ANO2: variants seen among roughly 807,000 people sequenced by gnomAD.
ANO2 encodes the protein anoctamin 2, also known as anoctamin-2.
In ANO2, 101 loss-of-function variants were observed where a neutral mutation model predicts 124.2. The observed-to-expected ratio is 0.81, with a 90% CI of 0.69 to 0.96. The LOEUF is 0.96. Ranked by LOEUF, ANO2 falls within the 40% of genes least tolerant of loss-of-function variation. The pLI is 0.00. For missense variants in ANO2, 1,293 were observed against 1,274.5 expected (o/e 1.01, Z -0.22); for synonymous variants, 486 against 482.5 (o/e 1.01, Z -0.09).
rs114681195 is a variant in ANO2, at chr12:5,656,974, G to A, written c.1546-9173C>T. On this transcript the variant is annotated intron_variant, in intron 14 of 24. Coordinates refer to ENST00000682330, the MANE Select transcript of ANO2 (RefSeq NM_001364791.2). ...ATTGCAGCAGGCCGAGGTCATCTAC[G>A]GATTGGGAGGTGACTGAAGCCAAAT... Among the ~76,000 whole-genome samples, 835 of 152,278 alleles carry A rather than the reference G, an allele frequency of 5.5e-3. 7 individuals carry two copies. Among genetic ancestry groups the A allele is most frequent in the African/African-American group, 0.019 (806 of 41,538 alleles).
chr12:5,767,457 T>C (rs1262537354), intron 10 of ANO2, among the ~76,000 whole-genome samples: 1 of 152,126 alleles, frequency 6.6e-6, no homozygotes, highest in Non-Finnish European at 1.5e-5. Context: ...CAAGATACTA[T>C]AAATGGACTA....
chr12:5,820,179 C>T (rs1953741209), intron 7 of ANO2, among the ~76,000 whole-genome samples: 1 of 152,146 alleles, frequency 6.6e-6, no homozygotes, highest in Admixed American at 6.5e-5. Flanking sequence ...TGAGGAAGGA[C>T]CCCACTATAC....
At chr12:5,711,512 C>T (rs10774369) in intron 14 of ANO2, among the ~76,000 whole-genome samples, 58,948 of 152,078 alleles carry the variant, frequency 0.39, 12,375 homozygotes, top group East Asian at 0.56. Context: ...CTCAGATATT[C>T]CTGTATGGCA....
chr12:5,821,032 G>T (rs1953779017), intron 7 of ANO2, among the ~76,000 whole-genome samples: 1 of 152,178 alleles, frequency 6.6e-6, no homozygotes, highest in South Asian at 2.1e-4. Flanking sequence ...CCAGCTTTGT[G>T]TCATAATCTT....
intron 23 of ANO2, among the ~76,000 whole-genome samples, chr12:5,567,750 C>T (rs1941856203): frequency 6.6e-6 from 1 of 152,190 alleles, no homozygotes; most frequent in South Asian, 2.1e-4. Flanking sequence ...TCACTTTGTC[C>T]TCCCTCAGTG....
At chr12:5,661,675 T>C (rs1267777427) in intron 14 of ANO2, among the ~76,000 whole-genome samples, 4 of 152,152 alleles carry the variant, frequency 2.6e-5, no homozygotes, top group Non-Finnish European at 4.4e-5. Context: ...GGTCCCACTT[T>C]AGCTAATCCA....
At chr12:5,679,839 T>C (rs893803933) in intron 14 of ANO2, among the ~76,000 whole-genome samples, 3 of 152,162 alleles carry the variant, frequency 2.0e-5, no homozygotes, top group African/African-American at 7.2e-5. Flanking sequence ...CATGCACACA[T>C]ATATTCATTG....
intron 3 of ANO2, among the ~76,000 whole-genome samples, chr12:5,873,947 A>G (rs1307113291): frequency 6.6e-6 from 1 of 152,176 alleles, no homozygotes; most frequent in African/African-American, 2.4e-5. Flanking sequence ...AACCCAACCA[A>G]GAGACGCGCA....
Position 5,872,150 on chromosome 12 carries a change from G to A in ANO2, c.535-18009C>T, listed in dbSNP as rs372261583. On this transcript the variant is annotated intron_variant, in intron 3 of 24. Coordinates refer to ENST00000682330, the MANE Select transcript of ANO2 (RefSeq NM_001364791.2). The stretch of plus-strand genomic sequence containing the variant: ...TTTTCCATTGTCCTTTTTCCCTCTC[G>A]TGACCCCCAGCTTTTCCCCAGAGCT... 3.3e-5 allele frequency among the ~76,000 whole-genome samples: 5 copies of A among 152,110 alleles called. No homozygotes were observed. In the East Asian group the frequency reaches 5.8e-4, roughly 18 times the overall value.
At chr12:5,897,080 G>A (rs140657144) in intron 3 of ANO2, among the ~76,000 whole-genome samples, 14 of 152,244 alleles carry the variant, frequency 9.2e-5, no homozygotes, top group African/African-American at 1.4e-4. Context: ...ACCTAGGGAT[G>A]AGCTTTGAAA....
At chr12:5,606,235 ACCCTTTGGAAGATCCTGCACTTGG>A (rs1944214900) in intron 19 of ANO2, among the ~76,000 whole-genome samples, 1 of 152,066 alleles carries the variant, frequency 6.6e-6, no homozygotes, top group Non-Finnish European at 1.5e-5. Flanking sequence ...AGTTCATGTG[ACCCTTTGGAAGATCCTGCACTTGG>A]CCTTGCATCT....
chr12:5,620,725 T>G (rs1429056358), intron 16 of ANO2, among the ~76,000 whole-genome samples: 1 of 152,154 alleles, frequency 6.6e-6, no homozygotes, highest in Non-Finnish European at 1.5e-5. Context: ...TGTGGTTTTC[T>G]CCTTCCGGTC....
Position 5,795,114 on chromosome 12 carries a change from C to T in ANO2, c.1055+4393G>A, listed in dbSNP as rs921091440. ...AGTCTCTGGTGGCAGTGCTGGGGAA[C>T]CCTGGCAAGGACGGTGACCTGTGCC... On this transcript the variant is annotated intron_variant, in intron 10 of 24. Coordinates refer to ENST00000682330, the MANE Select transcript of ANO2 (RefSeq NM_001364791.2). Among the ~76,000 whole-genome samples, 37 of 152,186 alleles carry T rather than the reference C, an allele frequency of 2.4e-4. 1 individual carries two copies. The highest frequency in any genetic ancestry group is 4.1e-4 in the Non-Finnish European group (28 of 68,032).
At chr12:5,798,677 C>A (rs1952946133) in intron 10 of ANO2, among the ~76,000 whole-genome samples, 1 of 152,210 alleles carries the variant, frequency 6.6e-6, no homozygotes, top group Non-Finnish European at 1.5e-5. Context: ...CTCACAGATC[C>A]CTCAGCTCAG....
chr12:5,826,361 T>C (rs1953953098), intron 7 of ANO2, among the ~76,000 whole-genome samples: 4 of 151,518 alleles, frequency 2.6e-5, no homozygotes, highest in African/African-American at 9.7e-5. Flanking sequence ...TGCAAACTAT[T>C]GATCCTGGGT....
At chr12:5,889,570 C>T (rs111577765) in intron 3 of ANO2, among the ~76,000 whole-genome samples, 167 of 152,386 alleles carry the variant, frequency 1.1e-3, no homozygotes, top group African/African-American at 3.6e-3. Flanking sequence ...GACTCTTAAA[C>T]GACCCCTGTC....
At chr12:5,793,971 T>A (rs536468186) in intron 10 of ANO2, among the ~76,000 whole-genome samples, 1 of 152,098 alleles carries the variant, frequency 6.6e-6, no homozygotes, top group African/African-American at 2.4e-5. Flanking sequence ...TTCCACAGCA[T>A]GATGGGATTA....
chr12:5,729,349 A>C (rs1330493636), intron 14 of ANO2, among the ~76,000 whole-genome samples: 4 of 152,204 alleles, frequency 2.6e-5, no homozygotes, highest in African/African-American at 9.6e-5. Context: ...TAAGAGGCAA[A>C]GGATTTGAAT....
chr12:5,682,110 G>A (rs946621404), intron 14 of ANO2, among the ~76,000 whole-genome samples: 1 of 152,130 alleles, frequency 6.6e-6, no homozygotes, highest in Admixed American at 6.6e-5. Context: ...AGTGGCTCTT[G>A]AATTCTTTAT....
Sources: allele counts gnomAD v4.1 joint callset (sites outside exome capture counted in the v4.1 genomes callset), GRCh38; gene constraint gnomAD v4.1.1; transcripts MANE v1.5; gene names NCBI Gene and HGNC (gene_info 2026-07-23, HGNC 2026-07-21).